Variants in MMP16 observed in about 807,000 individuals in gnomAD.
MMP16 encodes matrix metallopeptidase 16, also known as matrix metalloproteinase-16.
MMP16 carries 12 observed loss-of-function variants against 67.8 expected under a neutral mutation model. The observed-to-expected ratio is 0.18, with a 90% confidence interval of 0.11 to 0.29. The LOEUF is 0.29. MMP16 is among the 10% of genes least tolerant of loss of function. The probability of loss-of-function intolerance (pLI) is 1.00; values close to 1 mark genes in which losing one functional copy is unlikely to be tolerated. For synonymous variants in MMP16, 249 were observed against 255.9 expected (o/e 0.97, Z 0.26); for missense variants, 475 against 765.7 (o/e 0.62, Z 4.48).
chr8:88,198,790 C>A (rs1023439580), intron 1 of MMP16, among the ~76,000 whole-genome samples: 1 of 151,872 alleles, frequency 6.6e-6, no homozygotes, highest in East Asian at 1.9e-4. Context: ...ATTAGTGAAA[C>A]CTAATCTAGT....
At chr8:88,183,528 C>T (rs1056168590) in intron 3 of MMP16, among the ~76,000 whole-genome samples, 17 of 152,098 alleles carry the variant, frequency 1.1e-4, no homozygotes, top group African/African-American at 3.9e-4. Flanking sequence ...AATCTTACAT[C>T]TTTTACTTCC....
chr8:88,061,490 A>G (rs1255800953), intron 7 of MMP16, among the ~76,000 whole-genome samples: 6 of 151,986 alleles, frequency 3.9e-5, no homozygotes, highest in Admixed American at 3.3e-4. Context: ...GAAGCATTCT[A>G]GTATGCTTTT....
At chr8:88,067,367 T>A (rs1301320637) in intron 7 of MMP16, among the ~76,000 whole-genome samples, 1 of 152,140 alleles carries the variant, frequency 6.6e-6, no homozygotes, top group African/African-American at 2.4e-5. Flanking sequence ...TATTTAAATG[T>A]ATGAAATATT....
intron 3 of MMP16, among the ~76,000 whole-genome samples, chr8:88,171,681 G>A (rs1042943083): frequency 3.9e-5 from 6 of 152,044 alleles, no homozygotes; most frequent in Non-Finnish European, 7.4e-5. Flanking sequence ...GCTATGTAAA[G>A]TTAAAAGGAC....
intron 6 of MMP16, among the ~76,000 whole-genome samples, chr8:88,110,320 A>G (rs972384727): frequency 3.3e-5 from 5 of 151,584 alleles, no homozygotes; most frequent in African/African-American, 1.2e-4. Flanking sequence ...ATTTTAAAGC[A>G]TAATTGCAAT....
intron 1 of MMP16, among the ~76,000 whole-genome samples, chr8:88,323,258 C>G (rs1295241737): frequency 6.6e-6 from 1 of 152,150 alleles, no homozygotes; most frequent in Non-Finnish European, 1.5e-5. Context: ...TAATTTTTAT[C>G]TCTGAAATGT....
At chr8:88,294,103 A>C (rs546204933) in intron 1 of MMP16, among the ~76,000 whole-genome samples, 13 of 152,126 alleles carry the variant, frequency 8.5e-5, no homozygotes, top group African/African-American at 1.2e-4. Flanking sequence ...AAGATGCCTT[A>C]TAAATTCCAA....
chr8:88,244,508 T>C (rs1368401127), intron 1 of MMP16, among the ~76,000 whole-genome samples: 1 of 152,158 alleles, frequency 6.6e-6, no homozygotes, highest in African/African-American at 2.4e-5. Context: ...CATGTAACAG[T>C]TTCTCTAATA....
chr8:88,167,112 T>G (rs1330222158), intron 4 of MMP16, among the ~76,000 whole-genome samples: 1 of 152,054 alleles, frequency 6.6e-6, no homozygotes, highest in Non-Finnish European at 1.5e-5. Flanking sequence ...CTCAGGAGGC[T>G]GAGGTAGGAG....
intron 1 of MMP16, among the ~76,000 whole-genome samples, chr8:88,240,628 T>C (rs1810019281): frequency 1.3e-5 from 2 of 152,296 alleles, no homozygotes; most frequent in South Asian, 4.1e-4. Flanking sequence ...TCTATGTGGA[T>C]AATGGACTGA....
chr8:88,230,798 G>A lies in MMP16; in HGVS notation c.133-33492C>T, dbSNP rs186909175. Among the ~76,000 whole-genome samples the A allele has an allele frequency of 3.6e-3, 546 of 152,008 alleles. 5 individuals carry two copies. Among genetic ancestry groups the A allele is most frequent in the African/African-American group, 0.012 (518 of 41,488 alleles). ...TAAATGCTGGATAAACAAGCTACAT[G>A]GTTTTTCTTATTCATGAATTTGCAA... On this transcript the variant is annotated intron_variant, in intron 1 of 9. Transcript: ENST00000286614.
intron 4 of MMP16, among the ~76,000 whole-genome samples, chr8:88,163,459 T>C (rs1161878604): frequency 6.6e-6 from 1 of 152,090 alleles, no homozygotes; most frequent in Non-Finnish European, 1.5e-5. Flanking sequence ...GTGAACTTCC[T>C]GACAGTAAGC....
At chr8:88,124,479 A>G (rs1465538061) in intron 4 of MMP16, among the ~76,000 whole-genome samples, 1 of 151,932 alleles carries the variant, frequency 6.6e-6, no homozygotes, top group Non-Finnish European at 1.5e-5. Flanking sequence ...CCAGGTCCAC[A>G]ACCAAGAACT....
intron 1 of MMP16, among the ~76,000 whole-genome samples, chr8:88,294,970 C>T (rs1349825295): frequency 6.6e-6 from 1 of 152,200 alleles, no homozygotes; most frequent in East Asian, 1.9e-4. Context: ...ATCTTGGCCT[C>T]CCAAAGTGCT....
At chr8:88,287,571 C>G (rs1209915644) in intron 1 of MMP16, among the ~76,000 whole-genome samples, 1 of 152,160 alleles carries the variant, frequency 6.6e-6, no homozygotes, top group Non-Finnish European at 1.5e-5. Flanking sequence ...ATTGTTACAT[C>G]CCCTCCACCT....
At position 88,041,089 on chromosome 8, in the gene MMP16, A is replaced by G. The variant is rs28988880; in HGVS notation, c.*372T>C. 4.7e-3 allele frequency: 792 copies of G among 167,308 alleles called. 8 individuals carry two copies. Among genetic ancestry groups the G allele is most frequent in the African/African-American group, 0.018 (755 of 42,278 alleles). The allele number at this position is 167,308 out of a possible 1,614,324, so 10.4% of individuals were successfully genotyped here. On this transcript the variant is annotated 3_prime_UTR_variant, in exon 10 of 10. Transcript: ENST00000286614. The surrounding 1 kb of genome is among the most constrained non-coding windows in gnomAD (Gnocchi z 6.0). ...ATTTGCTTTTTTTTTCTCCCCCCAG[A>G]AATGGGCTCAGACTTCAGAAGGAAA...
At chr8:88,088,943 A>C (rs2118337303) in intron 6 of MMP16, among the ~76,000 whole-genome samples, 1 of 152,226 alleles carries the variant, frequency 6.6e-6, no homozygotes, top group East Asian at 1.9e-4. Flanking sequence ...AAAATAAGTC[A>C]GTAAGTTTCC....
At chr8:88,142,153 G>A (rs772457238) in intron 4 of MMP16, among the ~76,000 whole-genome samples, 7 of 151,620 alleles carry the variant, frequency 4.6e-5, no homozygotes, top group Non-Finnish European at 8.8e-5. Flanking sequence ...CAGGCAATCC[G>A]CTCGCCTCAG....
chr8:88,244,438 C>CA (rs1810079643), intron 1 of MMP16, among the ~76,000 whole-genome samples: 1 of 152,088 alleles, frequency 6.6e-6, no homozygotes, highest in South Asian at 2.1e-4. Flanking sequence ...TAATTTAAGG[C>CA]AAAATAGTAA....
Sources: gnomAD v4.1 joint callset for allele counts (sites outside exome capture counted in the v4.1 genomes callset) on GRCh38, gnomAD v4.1.1 for gene constraint, Gnocchi (gnomAD v3.1) non-coding constraint, MANE v1.5 for transcripts, NCBI Gene and HGNC (gene_info 2026-07-23, HGNC 2026-07-21) for gene names.